Variants in C2CD2 observed in about 807,000 individuals in gnomAD.
The protein encoded by C2CD2 is C2 domain-containing protein 2.
A neutral mutation model predicts 74.3 loss-of-function variants in C2CD2; 43 were observed. That is an observed-to-expected ratio of 0.58 (90% CI 0.45 to 0.75). The LOEUF (loss-of-function observed/expected upper bound fraction) is 0.75. Ranked by LOEUF, C2CD2 falls within the 30% of genes least tolerant of loss-of-function variation. The probability of loss-of-function intolerance (pLI) is 0.00; values close to 1 mark genes in which losing one functional copy is unlikely to be tolerated. For missense variants in C2CD2, 801 were observed against 916.3 expected, an observed-to-expected ratio of 0.87 and a Z score of 1.63; for synonymous variants, 422 against 390.7, an observed-to-expected ratio of 1.08 and a Z score of -0.94.
chr21:41,905,348 C>T (rs1281010561), intron 11 of C2CD2, among the ~76,000 whole-genome samples: 5 of 132,338 alleles, frequency 3.8e-5, no homozygotes, highest in African/African-American at 7.9e-5. Context: ...GACAGGGTCT[C>T]GCTCTGTCAC....
chr21:41,911,930 G>A (rs559373631), intron 7 of C2CD2, among the ~76,000 whole-genome samples: 20 of 152,228 alleles, frequency 1.3e-4, no homozygotes, highest in African/African-American at 4.6e-4. Flanking sequence ...TTAAACTCCT[G>A]GGCTCAAGCG....
At chr21:41,913,353 G>A (rs189431047) in intron 6 of C2CD2, among the ~76,000 whole-genome samples, 78 of 152,294 alleles carry the variant, frequency 5.1e-4, no homozygotes, top group African/African-American at 1.8e-3. Context: ...ATGTGTGGAC[G>A]CTGGACCACG....
intron 5 of C2CD2, among the ~76,000 whole-genome samples, chr21:41,916,678 C>G (rs980102338): frequency 6.7e-6 from 1 of 149,720 alleles, no homozygotes; most frequent in Non-Finnish European, 1.5e-5. Context: ...CACACACACA[C>G]ACACACACAC....
At chr21:41,901,185 C>A (rs1236528594) in intron 12 of C2CD2, 1 of 284,084 alleles carries the variant, frequency 3.5e-6, no homozygotes, top group Non-Finnish European at 6.8e-6. Flanking sequence ...GGGGACACTA[C>A]AATGTTCATT....
Position 41,892,532 on chromosome 21 carries a change from G to A in C2CD2, c.1871-3188C>T, listed in dbSNP as rs1391421341. Among the ~76,000 whole-genome samples the A allele has an allele frequency of 6.6e-6, 1 of 152,206 alleles. No homozygotes were observed. The highest frequency in any genetic ancestry group is 1.9e-4 in the East Asian group (1 of 5,198). On this transcript the variant is annotated intron_variant, in intron 13 of 13. Transcript: ENST00000380486. The surrounding 1 kb of genome is among the most constrained non-coding windows in gnomAD (Gnocchi z 4.6). Reference sequence around the variant, plus strand: ...CAGGCAGCAACATGGAGGAGTGGAGGCGGAGAGGACAGTGAAGCAGCATCC... The same window carrying A: ...CAGGCAGCAACATGGAGGAGTGGAGACGGAGAGGACAGTGAAGCAGCATCC...
intron 2 of C2CD2, among the ~76,000 whole-genome samples, chr21:41,931,190 C>G (rs2065258408): frequency 6.6e-6 from 1 of 150,458 alleles, no homozygotes; most frequent in African/African-American, 2.4e-5. Context: ...CCAAGCCAGC[C>G]CTCACTGGAG....
chr21:41,912,195 G>A, intron 7 of C2CD2, 137 bp downstream of exon 7: 1 of 584,062 alleles, frequency 1.7e-6, no homozygotes. Flanking sequence ...CCTTTAAGAT[G>A]CTTAAGACAT....
In C2CD2 at chr21:41,888,057, G is replaced by C. The variant is rs1417384104; in HGVS notation, c.*1067C>G. Reference sequence around the variant, plus strand: ...CAAGGGCACCCCAACCTGTGTCCAAGAGGACTGTTCACAGCAAAATTCTGA... The same window carrying C: ...CAAGGGCACCCCAACCTGTGTCCAACAGGACTGTTCACAGCAAAATTCTGA... On this transcript the variant is annotated 3_prime_UTR_variant, in exon 14 of 14. Coordinates refer to ENST00000380486, the MANE Select transcript of C2CD2 (RefSeq NM_015500.2). 1 of 152,644 alleles carries C rather than the reference G, an allele frequency of 6.6e-6. No homozygotes were observed. The highest frequency in any genetic ancestry group is 6.5e-5 in the Admixed American group (1 of 15,284). 9.5% of individuals were successfully genotyped at this position (152,644 alleles called of 1,614,324 possible). A position where few individuals can be genotyped will look rare whatever the true frequency, so the allele number is the denominator to read the frequency against.
chr21:41,950,615 A>G (rs2065442406), intron 1 of C2CD2, among the ~76,000 whole-genome samples: 1 of 152,166 alleles, frequency 6.6e-6, no homozygotes, highest in Non-Finnish European at 1.5e-5. Context: ...TTTAAAGGAA[A>G]CATTTAGGTC....
Position 41,954,009 on chromosome 21 carries a change from A to G in C2CD2, c.-361T>C, listed in dbSNP as rs1209999977. 6.8e-6 allele frequency: 1 copy of G among 146,294 alleles called. No individual in the cohort carries two copies. Among genetic ancestry groups the G allele is most frequent in the Non-Finnish European group, 1.5e-5 (1 of 65,852 alleles). 9.1% of individuals were successfully genotyped at this position (146,294 alleles called of 1,614,324 possible). On this transcript the variant is annotated 5_prime_UTR_variant, in exon 1 of 14. Transcript: ENST00000380486. The stretch of plus-strand genomic sequence containing the variant: ...CCGCCCGCGGCCCAGCGGTGGCCGG[A>G]GGAGGCTCTGGCCGCGGGGCGGGGC...
rs1255564018 is a variant in C2CD2, at chr21:41,887,154, A to T, written c.*1970T>A. On this transcript the variant is annotated 3_prime_UTR_variant, in exon 14 of 14. Coordinates refer to ENST00000380486, the MANE Select transcript of C2CD2 (RefSeq NM_015500.2). The stretch of plus-strand genomic sequence containing the variant: ...TCTCAGCCTCTTTTTACCACATGGC[A>T]AAGAGCAGTAAAACTTCAAGTAAAA... The T allele has an allele frequency of 6.6e-6, 1 of 152,236 alleles. No individual in the cohort carries two copies. The highest frequency in any genetic ancestry group is 2.4e-5 in the African/African-American group (1 of 41,460). The allele number at this position is 152,236 out of a possible 1,614,324, so 9.4% of individuals were successfully genotyped here.
chr21:41,944,538 A>AAAAAAAAAAG (rs1555906450), intron 1 of C2CD2, among the ~76,000 whole-genome samples: 3 of 130,702 alleles, frequency 2.3e-5, no homozygotes, highest in African/African-American at 6.6e-5. Flanking sequence ...AAAAAAAAAA[A>AAAAAAAAAAG]AAAAGAAAAG....
intron 5 of C2CD2, 40 bp from the exon 6 acceptor site, chr21:41,914,761 G>A: frequency 8.2e-6 from 13 of 1,591,504 alleles, no homozygotes; most frequent in African/African-American, 1.3e-5. Context: ...GTCTTCATGG[G>A]GAGATTGAGG....
In C2CD2 at chr21:41,923,061, T is replaced by C. The variant is rs2065172777; in HGVS notation, c.379-976A>G. On this transcript the variant is annotated intron_variant, in intron 2 of 13. Transcript: ENST00000380486. The surrounding 1 kb of genome is among the most constrained non-coding windows in gnomAD (Gnocchi z 5.8). ...CCCAGGTTGGAGTGCAGTGGCACAATCTTAGCTCACTGCAACCTCCGCCTC... is the reference window on the plus strand; with the variant it reads ...CCCAGGTTGGAGTGCAGTGGCACAACCTTAGCTCACTGCAACCTCCGCCTC... Among the ~76,000 whole-genome samples, 1 of 151,626 alleles carries C rather than the reference T, an allele frequency of 6.6e-6. No homozygotes were observed. The highest frequency in any genetic ancestry group is 1.5e-5 in the Non-Finnish European group (1 of 67,978).
rs777733523 is a variant in C2CD2 at position 41,918,937 on chromosome 21, C to T, written c.516G>A (p.Lys172=). ...ACCAGCTAATCTGGAGGTCCTCTCT[C>T]TTCTCCTTCATGTGGAACTCCAGCT... ...HLQLEFHMKE[K]REDLQISWSF... Residue 172 remains lysine, a synonymous_variant, in exon 4 of 14, where the codon AAG becomes AAA. Transcript: ENST00000380486. 2 of 1,614,006 alleles carry T rather than the reference C, an allele frequency of 1.2e-6. No homozygotes were observed. Among genetic ancestry groups the T allele is most frequent in the Admixed American group, 3.3e-5 (2 of 60,034 alleles).
At chr21:41,921,712 C>G (rs1480589968) in intron 3 of C2CD2, among the ~76,000 whole-genome samples, 2 of 152,134 alleles carry the variant, frequency 1.3e-5, no homozygotes, top group Non-Finnish European at 2.9e-5. Context: ...CTGCCTCATT[C>G]AAATGCCCGA....
Position 41,895,016 on chromosome 21 carries a change from A to T in C2CD2, c.1870+4037T>A. On this transcript the variant is annotated intron_variant, in intron 13 of 13. Coordinates refer to ENST00000380486, the MANE Select transcript of C2CD2 (RefSeq NM_015500.2). This position sits in a 1 kb window ranked among gnomAD's most constrained non-coding sequence, Gnocchi z 5.0. ...CACCCGGAGATTCAACAGAACACGC[A>T]CTGAGGTGCGGCTGGGAAGGCATTG... is the stretch of plus-strand genomic sequence containing the variant. 2.2e-6 allele frequency: 1 copy of T among 452,806 alleles called. No individual in the cohort carries two copies. The highest frequency in any genetic ancestry group is 4.5e-6 in the Non-Finnish European group (1 of 224,162). 28.0% of individuals were successfully genotyped at this position (452,806 alleles called of 1,614,324 possible). A position where few individuals can be genotyped will look rare whatever the true frequency, so the allele number is the denominator to read the frequency against.
intron 5 of C2CD2, among the ~76,000 whole-genome samples, chr21:41,917,439 G>A (rs1014983106): frequency 1.3e-5 from 2 of 152,162 alleles, no homozygotes; most frequent in African/African-American, 2.4e-5. Context: ...CCTGTTGTAC[G>A]TAATCATGAT....
intron 3 of C2CD2, among the ~76,000 whole-genome samples, chr21:41,921,754 A>G (rs1445985889): frequency 1.3e-5 from 2 of 151,710 alleles, no homozygotes; most frequent in Non-Finnish European, 2.9e-5. Flanking sequence ...TTATAAATGT[A>G]TGTGTGTGTG....
Sources: allele counts gnomAD v4.1 joint callset (sites outside exome capture counted in the v4.1 genomes callset), GRCh38; gene constraint gnomAD v4.1.1; non-coding constraint Gnocchi (gnomAD v3.1); transcripts MANE v1.5; gene names NCBI Gene and HGNC (gene_info 2026-07-23, HGNC 2026-07-21).